The following P3H2 variants were observed in gnomAD, a reference collection of about 807,000 sequenced individuals.
The protein encoded by P3H2 is leprecan-like 1.
A neutral mutation model predicts 87.0 loss-of-function variants in P3H2; 80 were observed. The ratio of observed to expected loss-of-function variants is 0.92; its 90% CI spans 0.77 to 1.11. The LOEUF is 1.11. Among genes scored for constraint, P3H2 ranks in the 50% least tolerant of loss-of-function variants. The pLI, the probability that P3H2 is intolerant of heterozygous loss-of-function variation, is 0.00. For missense variants in P3H2, 1,001 were observed against 923.9 expected (o/e 1.08, Z -1.08); for synonymous variants, 367 against 359.3 (o/e 1.02, Z -0.24).
rs527558091 is a variant in P3H2 at position 190,063,572 on chromosome 3, T to G, written c.480+56680A>C. Among the ~76,000 whole-genome samples the G allele has an allele frequency of 1.9e-3, 286 of 152,322 alleles. 1 individual carries two copies. Among genetic ancestry groups the G allele is most frequent in the Non-Finnish European group, 3.5e-3 (239 of 68,014 alleles). ...TCCCTTTGCATGATTAATGTGTTAC[T>G]AAATACCAGGTGTGTGCTTTGTTAG... On this transcript the variant is annotated intron_variant, in intron 1 of 14. Coordinates refer to ENST00000319332, the MANE Select transcript of P3H2 (RefSeq NM_018192.4).
At chr3:190,046,633 CA>C (rs1487420573) in intron 1 of P3H2, among the ~76,000 whole-genome samples, 1 of 5,974 alleles carries the variant, frequency 1.7e-4, no homozygotes, top group African/African-American at 1.1e-3. Context: ...ATCTCACAAT[CA>C]GATATAGATT....
chr3:190,093,356 T>G (rs570168440), intron 1 of P3H2, among the ~76,000 whole-genome samples: 1 of 152,150 alleles, frequency 6.6e-6, no homozygotes, highest in Non-Finnish European at 1.5e-5. Context: ...CCTACCCTTC[T>G]ATACACGTGA....
chr3:189,981,557 C>A lies in P3H2; in HGVS notation c.1324+1489G>T, dbSNP rs547319263. On this transcript the variant is annotated intron_variant, in intron 8 of 14. Coordinates refer to ENST00000319332, the MANE Select transcript of P3H2 (RefSeq NM_018192.4). ...ATTCCATCCTACAACCCATTAGCCACTTCGTCCTAGACAATTCTGTGGAAA... is the reference window on the plus strand; with the variant it reads ...ATTCCATCCTACAACCCATTAGCCAATTCGTCCTAGACAATTCTGTGGAAA... Among the ~76,000 whole-genome samples the A allele has an allele frequency of 2.6e-5, 4 of 152,280 alleles. No individual in the cohort carries two copies. In the South Asian group the frequency reaches 8.3e-4, roughly 32 times the overall value.
chr3:190,067,009 TTC>T lies in P3H2; in HGVS notation c.480+53241_480+53242del, dbSNP rs199983056. On this transcript the variant is annotated intron_variant, in intron 1 of 14. Transcript: ENST00000319332. Reference sequence around the variant, plus strand: ...GTAGTTTATTCTTTTTTAATTTTCTTTCTTTTTTTTTTTTTTGTAGAGATGGG... The same window carrying T: ...GTAGTTTATTCTTTTTTAATTTTCTTTTTTTTTTTTTTTTGTAGAGATGGG... Among the ~76,000 whole-genome samples the T allele has an allele frequency of 1.7e-3, 261 of 150,796 alleles. 2 individuals carry two copies. The highest frequency in any genetic ancestry group is 2.8e-3 in the Non-Finnish European group (187 of 67,778).
At chr3:190,028,237 T>C (rs1477843121) in intron 1 of P3H2, among the ~76,000 whole-genome samples, 1 of 152,146 alleles carries the variant, frequency 6.6e-6, no homozygotes, top group South Asian at 2.1e-4. Flanking sequence ...TTACCATACT[T>C]AGCAAGAGAA....
At chr3:190,018,400 T>C (rs1724835848) in intron 1 of P3H2, among the ~76,000 whole-genome samples, 1 of 152,130 alleles carries the variant, frequency 6.6e-6, no homozygotes, top group African/African-American at 2.4e-5. Context: ...TTTTTACAGA[T>C]GAGAAAATCA....
chr3:190,007,451 T>C (rs753301964), intron 1 of P3H2, among the ~76,000 whole-genome samples: 8 of 152,126 alleles, frequency 5.3e-5, no homozygotes, highest in Non-Finnish European at 1.0e-4. Flanking sequence ...TTTGATATAA[T>C]GAAAAGGCAT....
chr3:189,987,790 T>A (rs556723346), intron 4 of P3H2, 121 bp from the exon 5 acceptor site: 1 of 1,123,990 alleles, frequency 8.9e-7, no homozygotes, highest in African/African-American at 1.5e-5. Context: ...GGAAGATAAA[T>A]TGAGGCTCAG....
chr3:190,074,496 G>A (rs1383268490), intron 1 of P3H2, among the ~76,000 whole-genome samples: 1 of 152,024 alleles, frequency 6.6e-6, no homozygotes, highest in African/African-American at 2.4e-5. Context: ...GAGTGACAGA[G>A]CGAGACTCTG....
chr3:190,112,789 A>AT (rs112444506), intron 1 of P3H2, among the ~76,000 whole-genome samples: 6 of 150,522 alleles, frequency 4.0e-5, no homozygotes, highest in African/African-American at 1.2e-4. Flanking sequence ...CTGACACCAA[A>AT]TTTTTTTTTT....
chr3:190,102,474 G>C (rs777706737), intron 1 of P3H2, among the ~76,000 whole-genome samples: 1 of 152,188 alleles, frequency 6.6e-6, no homozygotes, highest in Non-Finnish European at 1.5e-5. Context: ...GATTTCAGTG[G>C]AGAAAGTAAC....
At chr3:189,989,826 T>C (rs1009690635) in intron 3 of P3H2, among the ~76,000 whole-genome samples, 4 of 152,176 alleles carry the variant, frequency 2.6e-5, no homozygotes, top group Non-Finnish European at 5.9e-5. Flanking sequence ...AGGGTCTTCA[T>C]GCCACCTTTG....
At chr3:190,054,811 T>A (rs527721138) in intron 1 of P3H2, among the ~76,000 whole-genome samples, 16 of 152,238 alleles carry the variant, frequency 1.1e-4, no homozygotes, top group Non-Finnish European at 2.2e-4. Flanking sequence ...GAGTAGAAAC[T>A]AAGGGAACTA....
At chr3:190,053,004 C>A (rs1726032457) in intron 1 of P3H2, among the ~76,000 whole-genome samples, 1 of 152,110 alleles carries the variant, frequency 6.6e-6, no homozygotes, top group South Asian at 2.1e-4. Context: ...AAAAATACAG[C>A]AAATCTTTTT....
intron 7 of P3H2, 122 bp from the exon 8 acceptor site, chr3:189,983,262 C>T (rs1467175702): frequency 2.7e-6 from 2 of 741,814 alleles, no homozygotes; most frequent in Admixed American, 2.3e-5. Flanking sequence ...AACAAGTTCA[C>T]CTGTCTTTTA....
intron 14 of P3H2, among the ~76,000 whole-genome samples, chr3:189,962,260 C>T (rs1284006578): frequency 6.7e-6 from 1 of 149,506 alleles, no homozygotes; most frequent in Non-Finnish European, 1.5e-5. Context: ...CTGCAGCCTC[C>T]ACCTCCTGGG....
chr3:189,992,380 G>A (rs776042789), intron 3 of P3H2, among the ~76,000 whole-genome samples: 1 of 152,144 alleles, frequency 6.6e-6, no homozygotes, highest in African/African-American at 2.4e-5. Context: ...ACAGGCATGA[G>A]CCACCGCGCC....
rs201742865 is a variant in P3H2, at chr3:189,968,258, CCT to C, written c.1893+2556_1893+2557del. Among the ~76,000 whole-genome samples the C allele has an allele frequency of 9.1e-3, 1,378 of 152,130 alleles. 14 individuals carry two copies. The highest frequency in any genetic ancestry group is 0.029 in the African/African-American group (1,187 of 41,518). On this transcript the variant is annotated intron_variant, in intron 13 of 14. Transcript: ENST00000319332. ...TAAGTATTTCTCCTAATGTTATCCC[CCT>C]GACAGGCCCTGGTGTGTGATGTTAC...
At chr3:190,032,681 C>G (rs765727398) in intron 1 of P3H2, among the ~76,000 whole-genome samples, 80 of 152,196 alleles carry the variant, frequency 5.3e-4, no homozygotes, top group Non-Finnish European at 9.6e-4. Context: ...GAAACTTTGT[C>G]TACAATAAAA....
Sources: gnomAD v4.1 joint callset for allele counts (sites outside exome capture counted in the v4.1 genomes callset) on GRCh38, gnomAD v4.1.1 for gene constraint, MANE v1.5 for transcripts, NCBI Gene and HGNC (gene_info 2026-07-23, HGNC 2026-07-21) for gene names.